ZNF654: variants seen among roughly 807,000 people sequenced by gnomAD.
ZNF654 encodes the protein zinc finger protein 654, also known as melanoma-associated antigen.
ZNF654 carries 19 observed loss-of-function variants against 95.3 expected under a neutral mutation model. That is an observed-to-expected ratio of 0.20 (90% CI 0.14 to 0.29). The LOEUF (loss-of-function observed/expected upper bound fraction) is 0.29. Ranked by LOEUF, ZNF654 falls within the 10% of genes least tolerant of loss-of-function variation. ZNF654 has a pLI of 1.00. For missense variants in ZNF654, 1,046 were observed against 1,341.0 expected (o/e 0.78, Z 3.44); for synonymous variants, 413 against 457.9 (o/e 0.90, Z 1.25).
chr3:88,083,841 T>C (rs1161175597), intron 1 of ZNF654, among the ~76,000 whole-genome samples: 2 of 152,076 alleles, frequency 1.3e-5, no homozygotes, highest in African/African-American at 4.8e-5. Context: ...CTTACTGCCT[T>C]GTGGCCTTGT....
chr3:88,110,045 G>C (rs1704994732), intron 2 of ZNF654, among the ~76,000 whole-genome samples: 1 of 152,082 alleles, frequency 6.6e-6, no homozygotes. Flanking sequence ...TTTCCTTATA[G>C]ATTGTTGAAG....
In ZNF654 at chr3:88,141,008, G is replaced by T. The variant is rs1311934615; in HGVS notation, c.3339G>T (p.Lys1113Asn). 6 of 1,610,898 alleles carry T rather than the reference G, an allele frequency of 3.7e-6. No homozygotes were observed. The highest frequency in any genetic ancestry group is 5.1e-6 in the Non-Finnish European group (6 of 1,178,508). The part of the protein sequence containing the change: ...AEALEAHLAQ[K>N]KCQTLFGFDS... ...CACTTGAGGCTCATCTTGCACAAAA[G>T]AAATGTCAGACACTCTTTGGATTTG... Residue 1113 changes from lysine to asparagine, a missense_variant, in exon 8 of 9, where the codon AAG becomes AAT. Transcript: ENST00000636215.
chr3:88,101,427 A>T (rs932176180), intron 2 of ZNF654, among the ~76,000 whole-genome samples: 5 of 152,224 alleles, frequency 3.3e-5, no homozygotes, highest in African/African-American at 9.7e-5. Flanking sequence ...ATTTAAAAAT[A>T]GTCTTGCGAA....
At chr3:88,110,251 G>A (rs1212170296) in intron 2 of ZNF654, among the ~76,000 whole-genome samples, 1 of 152,090 alleles carries the variant, frequency 6.6e-6, no homozygotes, top group East Asian at 1.9e-4. Context: ...AAGTAGTGGA[G>A]CTGAGATTCA....
At chr3:88,098,524 A>G (rs1280616592) in intron 2 of ZNF654, among the ~76,000 whole-genome samples, 2 of 152,146 alleles carry the variant, frequency 1.3e-5, no homozygotes, top group African/African-American at 4.8e-5. Flanking sequence ...CAGAGACACA[A>G]CAAAAAATGA....
At chr3:88,063,767 T>C (rs1396224501) in intron 1 of ZNF654, among the ~76,000 whole-genome samples, 1 of 152,186 alleles carries the variant, frequency 6.6e-6, no homozygotes, top group Non-Finnish European at 1.5e-5. Context: ...CTTGAATAGA[T>C]AGTGTAGGGA....
chr3:88,129,046 T>A, intron 5 of ZNF654, 35 bp downstream of exon 5: 1 of 1,457,286 alleles, frequency 6.9e-7, no homozygotes, highest in Non-Finnish European at 9.1e-7. Context: ...TATTACCATT[T>A]TAACCCTACC....
chr3:88,110,982 A>G (rs1705055086), intron 2 of ZNF654, among the ~76,000 whole-genome samples: 1 of 152,024 alleles, frequency 6.6e-6, no homozygotes, highest in Non-Finnish European at 1.5e-5. Context: ...TGGGGCATGC[A>G]CACTACCATC....
chr3:88,097,931 G>C (rs1704164382), intron 2 of ZNF654, among the ~76,000 whole-genome samples: 1 of 152,082 alleles, frequency 6.6e-6, no homozygotes, highest in South Asian at 2.1e-4. Flanking sequence ...TACTAGAGAA[G>C]CAAGAGCAAA....
At chr3:88,066,386 C>A (rs1023032511) in intron 1 of ZNF654, among the ~76,000 whole-genome samples, 2 of 152,054 alleles carry the variant, frequency 1.3e-5, no homozygotes, top group African/African-American at 4.8e-5. Context: ...CCAGCCTGGG[C>A]AACATGGTGA....
intron 6 of ZNF654, among the ~76,000 whole-genome samples, chr3:88,131,696 G>C (rs1176551038): frequency 6.6e-6 from 1 of 152,098 alleles, no homozygotes; most frequent in Non-Finnish European, 1.5e-5. Context: ...GGAGTCTTTA[G>C]CCTTCTTTTT....
chr3:88,060,221 AC>A (rs1044602092), intron 1 of ZNF654, among the ~76,000 whole-genome samples: 1 of 151,616 alleles, frequency 6.6e-6, no homozygotes, highest in African/African-American at 2.4e-5. Context: ...AACATCACCA[AC>A]CCCCCTCATC....
At chr3:88,082,398 T>G (rs1708124875) in intron 1 of ZNF654, among the ~76,000 whole-genome samples, 2 of 152,212 alleles carry the variant, frequency 1.3e-5, no homozygotes, top group Admixed American at 1.3e-4. Context: ...GTGTTGGGAT[T>G]ACAGGCGTGA....
At chr3:88,118,323 C>G (rs937454611) in intron 3 of ZNF654, among the ~76,000 whole-genome samples, 5 of 151,886 alleles carry the variant, frequency 3.3e-5, no homozygotes, top group African/African-American at 1.2e-4. Flanking sequence ...ATATCATGTC[C>G]CAAGCAGGAG....
intron 5 of ZNF654, 101 bp from the exon 6 acceptor site, chr3:88,129,586 T>A (rs1345719164): frequency 1.0e-6 from 1 of 968,506 alleles, no homozygotes; most frequent in Non-Finnish European, 1.4e-6. Context: ...AGAAGAAAAC[T>A]AGAAATCTAA....
At chr3:88,081,903 A>G (rs191199737) in intron 1 of ZNF654, among the ~76,000 whole-genome samples, 2 of 152,214 alleles carry the variant, frequency 1.3e-5, no homozygotes, top group Non-Finnish European at 2.9e-5. Context: ...AAATACTTTT[A>G]TATATACAAC....
At chr3:88,114,002 T>A (rs1705246548) in intron 3 of ZNF654, among the ~76,000 whole-genome samples, 1 of 152,210 alleles carries the variant, frequency 6.6e-6, no homozygotes, top group South Asian at 2.1e-4. Flanking sequence ...TAAAACTTAC[T>A]AATTTTCCAT....
At chr3:88,068,969 A>G (rs1707352590) in intron 1 of ZNF654, among the ~76,000 whole-genome samples, 2 of 152,180 alleles carry the variant, frequency 1.3e-5, no homozygotes, top group African/African-American at 4.8e-5. Flanking sequence ...ATGCATATAT[A>G]TTTGATATAT....
At chr3:88,135,783 A>G (rs1448546544) in intron 7 of ZNF654, among the ~76,000 whole-genome samples, 7 of 152,116 alleles carry the variant, frequency 4.6e-5, no homozygotes, top group Admixed American at 3.9e-4. Flanking sequence ...GATCCTGCAG[A>G]TCTTTTAGTT....
Sources: gnomAD v4.1 joint callset for allele counts (sites outside exome capture counted in the v4.1 genomes callset) on GRCh38, gnomAD v4.1.1 for gene constraint, MANE v1.5 for transcripts, NCBI Gene and HGNC (gene_info 2026-07-23, HGNC 2026-07-21) for gene names.